Variants in LTBP1 observed in about 807,000 individuals in gnomAD.
The protein encoded by LTBP1 is latent transforming growth factor beta binding protein 1, also known as latent-transforming growth factor beta-binding protein 1.
A neutral mutation model predicts 207.6 loss-of-function variants in LTBP1; 129 were observed. That is an observed-to-expected ratio of 0.62 (90% CI 0.54 to 0.72). The LOEUF is 0.72. Ranked by LOEUF, LTBP1 falls within the 30% of genes least tolerant of loss-of-function variation. The probability of loss-of-function intolerance (pLI) is 0.00; values close to 1 mark genes in which losing one functional copy is unlikely to be tolerated. For missense variants in LTBP1, 2,281 were observed against 2,217.2 expected (o/e 1.03, Z -0.58); for synonymous variants, 963 against 833.7 (o/e 1.16, Z -2.67).
chr2:33,195,811 G>T (rs2088481659), intron 7 of LTBP1, among the ~76,000 whole-genome samples: 1 of 152,124 alleles, frequency 6.6e-6, no homozygotes, highest in Non-Finnish European at 1.5e-5. Context: ...TTAGTAAAAG[G>T]AAGGGTCAGG....
chr2:33,035,497 G>A (rs910264217), intron 3 of LTBP1, among the ~76,000 whole-genome samples: 4 of 152,190 alleles, frequency 2.6e-5, no homozygotes, highest in Admixed American at 6.5e-5. Flanking sequence ...GGGAGTGATG[G>A]TGAGGTGGAC....
At chr2:33,192,579 C>CA (rs1488099346) in intron 7 of LTBP1, among the ~76,000 whole-genome samples, 1 of 150,848 alleles carries the variant, frequency 6.6e-6, no homozygotes, top group African/African-American at 2.4e-5. Flanking sequence ...GAAAGAGACA[C>CA]AAAAAATAAG....
chr2:32,953,132 G>GA (rs986033084), intron 2 of LTBP1, among the ~76,000 whole-genome samples: 1 of 152,110 alleles, frequency 6.6e-6, no homozygotes, highest in Admixed American at 6.6e-5. Context: ...TACTTTTGGG[G>GA]AAAAAACCCA....
intron 3 of LTBP1, among the ~76,000 whole-genome samples, chr2:33,049,932 C>G (rs922261866): frequency 6.6e-6 from 1 of 151,516 alleles, no homozygotes; most frequent in Non-Finnish European, 1.5e-5. Flanking sequence ...GCCTGGGACT[C>G]CTGGGCTCAA....
chr2:33,378,185 ATGTGTG>A (rs57388002), intron 31 of LTBP1, among the ~76,000 whole-genome samples: 2,928 of 132,008 alleles, frequency 0.022, 97 homozygotes, highest in African/African-American at 0.074. Flanking sequence ...ATATATATAT[ATGTGTG>A]TGTGTGTGTG....
intron 2 of LTBP1, among the ~76,000 whole-genome samples, chr2:32,983,126 C>T (rs1683021640): frequency 6.6e-6 from 1 of 152,182 alleles, no homozygotes; most frequent in South Asian, 2.1e-4. Context: ...GGTGGAGCTG[C>T]CCATGGCTGT....
intron 3 of LTBP1, among the ~76,000 whole-genome samples, chr2:33,062,119 G>A (rs902125776): frequency 1.3e-5 from 2 of 152,050 alleles, no homozygotes; most frequent in African/African-American, 4.8e-5. Context: ...TTTGTGAAAT[G>A]TCTATTGAAT....
Position 33,275,914 on chromosome 2 carries a change from C to T in LTBP1, c.2983C>T (p.Arg995Cys), listed in dbSNP as rs1319590884. Residue 995 changes from arginine to cysteine, a missense_variant, in exon 18 of 34, where the codon CGT becomes TGT. Arg to Cys is a radical substitution (Grantham distance 180). Around this residue, in one of 3 missense-constraint regions of LTBP1, gnomAD observed 1,671 missense variants for 1,634.8 expected, o/e 1.02. Transcript: ENST00000404816. The part of the protein sequence containing the change: ...DSGYRMTQRG[R>C]CEDIDECLNP... ...CGGGTACCGCATGACTCAGAGAGGC[C>T]GTTGTGAGGGTGAGTCAGCTGAGAG... is the stretch of plus-strand genomic sequence containing the variant. 14 of 1,590,410 alleles carry T rather than the reference C, an allele frequency of 8.8e-6. No homozygotes were observed. The highest frequency in any genetic ancestry group is 1.3e-5 in the African/African-American group (1 of 74,492).
chr2:33,311,654 G>A (rs778419815), intron 23 of LTBP1, among the ~76,000 whole-genome samples: 12 of 151,838 alleles, frequency 7.9e-5, no homozygotes, highest in Admixed American at 3.9e-4. Context: ...CCAAATACAG[G>A]CAAAACCAAA....
chr2:33,049,562 C>T (rs77532354), intron 3 of LTBP1, among the ~76,000 whole-genome samples: 224 of 152,124 alleles, frequency 1.5e-3, no homozygotes, highest in African/African-American at 2.1e-3. Flanking sequence ...TCAATCATGC[C>T]GCAGTCACTA....
At chr2:33,378,972 T>A (rs1189202817) in intron 31 of LTBP1, among the ~76,000 whole-genome samples, 3 of 152,120 alleles carry the variant, frequency 2.0e-5, no homozygotes, top group Non-Finnish European at 4.4e-5. Context: ...AGAAAGTAAT[T>A]GTTCTGCTAA....
chr2:33,016,602 C>A (rs1028751196), intron 2 of LTBP1, among the ~76,000 whole-genome samples: 6 of 152,152 alleles, frequency 3.9e-5, no homozygotes, highest in East Asian at 3.9e-4. Context: ...GAACCACCGC[C>A]CAATCCACTG....
chr2:33,193,387 C>T (rs1035127973), intron 7 of LTBP1, among the ~76,000 whole-genome samples: 12 of 152,204 alleles, frequency 7.9e-5, no homozygotes, highest in Non-Finnish European at 4.4e-5. Context: ...GGTGATCCAC[C>T]CGCCTTGGCC....
At chr2:33,176,045 A>ATCT (rs2086012632) in intron 5 of LTBP1, among the ~76,000 whole-genome samples, 1 of 151,234 alleles carries the variant, frequency 6.6e-6, no homozygotes, top group Non-Finnish European at 1.5e-5. Flanking sequence ...TAGGAGATAT[A>ATCT]CCTAATGCTA....
chr2:33,392,639 C>A (rs1230478148), intron 32 of LTBP1, among the ~76,000 whole-genome samples: 2 of 152,140 alleles, frequency 1.3e-5, no homozygotes, highest in Non-Finnish European at 2.9e-5. Context: ...CAGATTTGGA[C>A]CAGAGACTGT....
At chr2:32,973,425 T>C (rs1168326881) in intron 2 of LTBP1, among the ~76,000 whole-genome samples, 2 of 152,166 alleles carry the variant, frequency 1.3e-5, no homozygotes, top group Non-Finnish European at 2.9e-5. Flanking sequence ...AATGCTCTTG[T>C]CTTTTTATAT....
At chr2:33,217,424 T>A in intron 7 of LTBP1, 128 bp from the exon 8 acceptor site, 1 of 551,124 alleles carries the variant, frequency 1.8e-6, no homozygotes, top group Non-Finnish European at 3.3e-6. Context: ...TTTTATAGTT[T>A]TTTTCCTTTC....
At chr2:33,143,039 C>G (rs2082756256) in intron 5 of LTBP1, among the ~76,000 whole-genome samples, 1 of 152,190 alleles carries the variant, frequency 6.6e-6, no homozygotes, top group South Asian at 2.1e-4. Flanking sequence ...CTTCTTCCAC[C>G]CCAATCCTCT....
intron 2 of LTBP1, among the ~76,000 whole-genome samples, chr2:32,986,957 G>A (rs1487594332): frequency 6.6e-6 from 1 of 152,152 alleles, no homozygotes; most frequent in Non-Finnish European, 1.5e-5. Flanking sequence ...CCTGGCCAGT[G>A]GTTTGTGTTG....
Sources: allele counts gnomAD v4.1 joint callset (sites outside exome capture counted in the v4.1 genomes callset), GRCh38; gene constraint gnomAD v4.1.1; regional missense constraint gnomAD v4.1.1; transcripts MANE v1.5; gene names NCBI Gene and HGNC (gene_info 2026-07-23, HGNC 2026-07-21).